The following LRRC56 variants were observed in gnomAD, a reference collection of about 807,000 sequenced individuals.
LRRC56 encodes leucine-rich repeat-containing protein 56.
A neutral mutation model predicts 47.8 loss-of-function variants in LRRC56; 41 were observed. That is an observed-to-expected ratio of 0.86 (90% CI 0.67 to 1.11). The LOEUF (loss-of-function observed/expected upper bound fraction) is 1.11. Among genes scored for constraint, LRRC56 ranks in the 50% most tolerant of loss-of-function variants. The probability of loss-of-function intolerance (pLI) is 0.00; values close to 1 mark genes in which losing one functional copy is unlikely to be tolerated. For synonymous variants in LRRC56, 387 were observed against 311.2 expected (o/e 1.24, Z -2.56); for missense variants, 759 against 704.2 (o/e 1.08, Z -0.88).
intron 11 of LRRC56, 42 bp downstream of exon 11, chr11:552,009 C>T (rs1852421784): frequency 6.2e-7 from 1 of 1,610,892 alleles, no homozygotes; most frequent in South Asian, 1.1e-5. Context: ...AACCAGTGTC[C>T]AGGGTTGCGG....
rs960202784 is a variant in LRRC56, at chr11:541,723, C to T, written c.265+99C>T. ...TATGACGACAAAGCTGTCCTCACCT[C>T]TCGGGCCGCGTATCGGCTTCCTTAG... On this transcript the variant is annotated intron_variant, in intron 5 of 13. Transcript: ENST00000270115. This position sits in a 1 kb window ranked among gnomAD's most constrained non-coding sequence, Gnocchi z 4.1. 10 of 749,934 alleles carry T rather than the reference C, an allele frequency of 1.3e-5. No individual in the cohort carries two copies. Among genetic ancestry groups the T allele is most frequent in the Middle Eastern group, 2.4e-4 (1 of 4,128 alleles). The allele number at this position is 749,934 out of a possible 1,614,324, so 46.5% of individuals were successfully genotyped here.
chr11:509,348 A>G, the LRRC56 span, among the ~76,000 whole-genome samples: 1 of 152,224 alleles, frequency 6.6e-6, no homozygotes, highest in Non-Finnish European at 1.5e-5. Context: ...TTTCTTTGCC[A>G]TGATCTCTTA....
chr11:511,003 G>C, the LRRC56 span, among the ~76,000 whole-genome samples: 15 of 152,070 alleles, frequency 9.9e-5, no homozygotes, highest in African/African-American at 3.4e-4. Flanking sequence ...CGCACGCAGT[G>C]GATTTTCACA....
chr11:544,822 G>A lies in LRRC56; in HGVS notation c.326+42G>A, dbSNP rs750012556. On this transcript the variant is annotated intron_variant, in intron 6 of 13. Coordinates refer to ENST00000270115, the MANE Select transcript of LRRC56 (RefSeq NM_198075.4). ...GGTGGGCTGGGGCCCTGCCATGAGG[G>A]GGTCCGATGGGACAGGCCCTGCAGG... is the stretch of plus-strand genomic sequence containing the variant. 1.9e-6 allele frequency: 3 copies of A among 1,583,780 alleles called. No individual in the cohort carries two copies. In the South Asian group the frequency reaches 3.3e-5, roughly 18 times the overall value.
chr11:552,292 G>A, intron 12 of LRRC56, 60 bp downstream of exon 12: 2 of 1,560,080 alleles, frequency 1.3e-6, no homozygotes, highest in Non-Finnish European at 1.7e-6. Flanking sequence ...AATCAGGGCT[G>A]GGGCTACCTT....
chr11:533,619 G>C (rs1851252368), upstream of LRRC56: 1 of 1,613,604 alleles, frequency 6.2e-7, no homozygotes, highest in African/African-American at 1.3e-5. Flanking sequence ...CTCCCTGAGA[G>C]GTGGAAAGCG....
the LRRC56 span, among the ~76,000 whole-genome samples, chr11:514,265 A>C: frequency 3.3e-5 from 5 of 150,792 alleles, no homozygotes; most frequent in East Asian, 9.8e-4. Flanking sequence ...CAGTGCTAGG[A>C]TTACAGGTGT....
chr11:522,069 G>A, the LRRC56 span, among the ~76,000 whole-genome samples: 2 of 152,052 alleles, frequency 1.3e-5, no homozygotes, highest in African/African-American at 2.4e-5. Context: ...AAATGCAAAT[G>A]GTCCAAGCAT....
At chr11:534,002 C>T (rs1467237839), upstream of LRRC56, 5 of 1,558,270 alleles carry the variant, frequency 3.2e-6, no homozygotes, top group African/African-American at 6.8e-5. Flanking sequence ...GGAGTTCACA[C>T]AGCCAGCCTC....
At chr11:523,952 A>T in the LRRC56 span, among the ~76,000 whole-genome samples, 1 of 152,164 alleles carries the variant, frequency 6.6e-6, no homozygotes, top group African/African-American at 2.4e-5. Flanking sequence ...AACAAAATAA[A>T]AAGAAAACTA....
In LRRC56 at chr11:541,237, G is replaced by A. The variant is rs79708697; in HGVS notation, c.178-300G>A. On this transcript the variant is annotated intron_variant, in intron 4 of 13. Transcript: ENST00000270115. The surrounding 1 kb of genome is among the most constrained non-coding windows in gnomAD (Gnocchi z 4.1). ...TGGCTCAAAGCTCAGGGCAGGGCCC[G>A]GCGCGGTCCGGGCTCTGGGTGCCGG... is the stretch of plus-strand genomic sequence containing the variant. 3.9e-4 allele frequency among the ~76,000 whole-genome samples: 59 copies of A among 152,260 alleles called. No homozygotes were observed. The East Asian group carries it at 8.7e-3, about 22-fold the overall frequency.
At chr11:517,253 C>T in the LRRC56 span, among the ~76,000 whole-genome samples, 2 of 152,198 alleles carry the variant, frequency 1.3e-5, no homozygotes, top group Admixed American at 6.5e-5. Flanking sequence ...AGATTACAGC[C>T]TCTGCCCGGC....
the LRRC56 span, among the ~76,000 whole-genome samples, chr11:525,174 C>A: frequency 1.3e-5 from 2 of 151,656 alleles, no homozygotes; most frequent in Non-Finnish European, 2.9e-5. Flanking sequence ...GAGGCCGAGG[C>A]GGGCAGATCA....
chr11:551,944 C>G lies in LRRC56; in HGVS notation c.1015C>G (p.Arg339Gly), dbSNP rs751303816. 6.2e-7 allele frequency: 1 copy of G among 1,612,526 alleles called. No homozygotes were observed. Among genetic ancestry groups the G allele is most frequent in the South Asian group, 1.1e-5 (1 of 91,072 alleles). The change falls in exon 11 of 14, where the codon CGG becomes GGG. Residue 339 changes from arginine to glycine, a missense_variant. Transcript: ENST00000270115. The part of the protein sequence containing the change: ...VLCGNPTKGL[R>G]ERRHQCQARE... ...CTGTGGGAACCCCACCAAGGGCCTG[C>G]GGGAGCGTAGGCACCAGTGCCAGGT... is the stretch of plus-strand genomic sequence containing the variant.
At position 545,505 on chromosome 11, in the gene LRRC56, C is replaced by A. The variant is rs545661479; in HGVS notation, c.326+725C>A. 3.1e-3 allele frequency among the ~76,000 whole-genome samples: 462 copies of A among 150,570 alleles called. 3 individuals are homozygous for A. The highest frequency in any genetic ancestry group is 0.011 in the African/African-American group (439 of 40,002). ...CCAGAGCCTGTGTAAAGAACCCAGACCAGACGGCAGCCCCCGGGAGAGGCA... is the reference window on the plus strand; with the variant it reads ...CCAGAGCCTGTGTAAAGAACCCAGAACAGACGGCAGCCCCCGGGAGAGGCA... On this transcript the variant is annotated intron_variant, in intron 6 of 13. Coordinates refer to ENST00000270115, the MANE Select transcript of LRRC56 (RefSeq NM_198075.4).
At chr11:532,793 G>C (rs745579074), upstream of LRRC56, 2 of 1,602,660 alleles carry the variant, frequency 1.2e-6, no homozygotes, top group Non-Finnish European at 1.7e-6. Context: ...GGACCGGCCT[G>C]TGGCCGCCTG....
At chr11:536,750 C>A (rs1439010890), upstream of LRRC56, 1 of 152,264 alleles carries the variant, frequency 6.6e-6, no homozygotes, top group African/African-American at 2.4e-5. Flanking sequence ...GGCAACAGAG[C>A]GCTACTTCGT....
the LRRC56 span, among the ~76,000 whole-genome samples, chr11:519,375 G>C: frequency 0.012 from 222 of 18,370 alleles, 15 homozygotes; most frequent in African/African-American, 0.043. Context: ...TAGAACGCGG[G>C]CTGATACACA....
chr11:518,889 T>C, the LRRC56 span, among the ~76,000 whole-genome samples: 1 of 137,396 alleles, frequency 7.3e-6, no homozygotes, highest in South Asian at 2.2e-4. Context: ...CCGGCCGCTC[T>C]GAGGGACCGG....
Sources: allele counts gnomAD v4.1 joint callset (sites outside exome capture counted in the v4.1 genomes callset), GRCh38; gene constraint gnomAD v4.1.1; non-coding constraint Gnocchi (gnomAD v3.1); transcripts MANE v1.5; gene names NCBI Gene and HGNC (gene_info 2026-07-23, HGNC 2026-07-21).